Variants in ATP8A2 observed in about 807,000 individuals in gnomAD.
The protein encoded by ATP8A2 is phospholipid-transporting ATPase IB.
ATP8A2 carries 100 observed loss-of-function variants against 165.6 expected under a neutral mutation model. That is an observed-to-expected ratio of 0.60 (90% CI 0.51 to 0.71). The LOEUF (loss-of-function observed/expected upper bound fraction) is 0.71, where lower values mean the gene tolerates loss of function less well. ATP8A2 is among the 30% of genes least tolerant of loss of function. The probability of loss-of-function intolerance (pLI) is 0.00; values close to 1 mark genes in which losing one functional copy is unlikely to be tolerated. For synonymous variants in ATP8A2, 543 were observed against 548.8 expected, an observed-to-expected ratio of 0.99 and a Z score of 0.15; for missense variants, 1,227 against 1,479.5, an observed-to-expected ratio of 0.83 and a Z score of 2.80.
rs552606764 is a variant in ATP8A2, at chr13:25,701,800, G to A, written c.2384+2455G>A. Among the ~76,000 whole-genome samples, 3 of 151,144 alleles carry A rather than the reference G, an allele frequency of 2.0e-5. No individual in the cohort carries two copies. The South Asian group carries it at 6.3e-4, about 32-fold the overall frequency. On this transcript the variant is annotated intron_variant, in intron 25 of 36. Transcript: ENST00000381655. ...CCCTTCTTGCTGTGACTGCTTCACA[G>A]TGCTTTGTGTGTCTCATAGGCCATA... is the stretch of plus-strand genomic sequence containing the variant.
chr13:25,872,130 A>T (rs1331668551), intron 33 of ATP8A2, among the ~76,000 whole-genome samples: 1 of 142,584 alleles, frequency 7.0e-6, no homozygotes, highest in African/African-American at 2.6e-5. Flanking sequence ...TGGATCTGTG[A>T]CCCAAACTGG....
At chr13:25,427,962 G>A (rs1400334600) in intron 1 of ATP8A2, among the ~76,000 whole-genome samples, 1 of 152,030 alleles carries the variant, frequency 6.6e-6, no homozygotes. Context: ...CTTGAGGGGC[G>A]GAGGAGAGCA....
chr13:25,457,714 A>G (rs1313965413), intron 1 of ATP8A2, among the ~76,000 whole-genome samples: 1 of 152,256 alleles, frequency 6.6e-6, no homozygotes, highest in Non-Finnish European at 1.5e-5. Flanking sequence ...CCTTGGATTC[A>G]GATGATTGCA....
At chr13:25,465,882 C>A (rs564749973) in intron 1 of ATP8A2, among the ~76,000 whole-genome samples, 1 of 151,104 alleles carries the variant, frequency 6.6e-6, no homozygotes, top group East Asian at 2.0e-4. Context: ...AACTTGGCCT[C>A]CCAAAGTGTT....
At chr13:25,984,156 G>C (rs535040153) in intron 35 of ATP8A2, among the ~76,000 whole-genome samples, 117 of 152,162 alleles carry the variant, frequency 7.7e-4, no homozygotes, top group African/African-American at 2.8e-3. Context: ...GGGATCGTTT[G>C]AGCCCAGGAG....
At chr13:25,722,783 G>T (rs1369143620) in intron 25 of ATP8A2, among the ~76,000 whole-genome samples, 1 of 152,072 alleles carries the variant, frequency 6.6e-6, no homozygotes, top group African/African-American at 2.4e-5. Context: ...AGATCCCTGT[G>T]TACCTAAGAT....
chr13:25,442,284 A>G (rs915202491), intron 1 of ATP8A2, among the ~76,000 whole-genome samples: 1 of 152,218 alleles, frequency 6.6e-6, no homozygotes, highest in African/African-American at 2.4e-5. Context: ...GCTGGATCAG[A>G]AGATAACTCT....
chr13:25,482,306 C>A (rs973571698), intron 2 of ATP8A2, among the ~76,000 whole-genome samples: 1 of 152,132 alleles, frequency 6.6e-6, no homozygotes, highest in Non-Finnish European at 1.5e-5. Context: ...CATTCATAAT[C>A]CTACATTTGG....
chr13:25,382,856 C>T (rs1267623888), intron 1 of ATP8A2, among the ~76,000 whole-genome samples: 43 of 147,938 alleles, frequency 2.9e-4, no homozygotes, highest in African/African-American at 7.8e-4. Flanking sequence ...CCCGGGTTCA[C>T]GCCATTCTCC....
intron 24 of ATP8A2, among the ~76,000 whole-genome samples, chr13:25,669,171 G>C (rs1449038732): frequency 6.6e-6 from 1 of 151,950 alleles, no homozygotes; most frequent in Non-Finnish European, 1.5e-5. Flanking sequence ...CTGGAAATCA[G>C]ATTCTCTCCC....
At chr13:25,453,371 C>A (rs1444520578) in intron 1 of ATP8A2, among the ~76,000 whole-genome samples, 2 of 152,062 alleles carry the variant, frequency 1.3e-5, no homozygotes, top group Admixed American at 1.3e-4. Context: ...AGTGATCCAT[C>A]CGCCTCAGCC....
At chr13:25,989,635 T>C (rs1199543987) in intron 35 of ATP8A2, among the ~76,000 whole-genome samples, 2 of 152,198 alleles carry the variant, frequency 1.3e-5, no homozygotes, top group East Asian at 3.9e-4. Flanking sequence ...TGACATTTCC[T>C]TTTCTTTTTT....
chr13:25,853,401 ATATATATATG>A lies in ATP8A2; in HGVS notation c.2957-6784_2957-6775del, dbSNP rs1241557724. Among the ~76,000 whole-genome samples the A allele has an allele frequency of 1.3e-4, 8 of 59,860 alleles. 1 individual carries two copies. The highest frequency in any genetic ancestry group is 4.4e-4 in the South Asian group (1 of 2,286). The allele number at this position is 59,860 out of a possible 152,430, so 39.3% of individuals were successfully genotyped here. ...GCAAGACTCTATCTAAAAAAAATATATATATATATGTATATATATATAGAATTTCTTATAA... is the reference window on the plus strand; with the variant it reads ...GCAAGACTCTATCTAAAAAAAATATATATATATATATAGAATTTCTTATAA... On this transcript the variant is annotated intron_variant, in intron 30 of 36. Coordinates refer to ENST00000381655, the MANE Select transcript of ATP8A2 (RefSeq NM_016529.6).
chr13:25,631,239 T>C (rs2041233548), intron 24 of ATP8A2, among the ~76,000 whole-genome samples: 1 of 152,188 alleles, frequency 6.6e-6, no homozygotes, highest in Non-Finnish European at 1.5e-5. Context: ...GTGAGGCTCA[T>C]CTGTGCTCTG....
intron 15 of ATP8A2, among the ~76,000 whole-genome samples, chr13:25,561,369 AT>A (rs796093967): frequency 3.3e-5 from 5 of 151,300 alleles, no homozygotes; most frequent in African/African-American, 9.7e-5. Context: ...TTTTCCATAG[AT>A]TTTTTTTGTT....
chr13:25,421,767 A>T (rs2034306907), intron 1 of ATP8A2, among the ~76,000 whole-genome samples: 1 of 152,248 alleles, frequency 6.6e-6, no homozygotes, highest in Non-Finnish European at 1.5e-5. Context: ...TGATCTATAT[A>T]GCCTGCAGTG....
intron 33 of ATP8A2, among the ~76,000 whole-genome samples, chr13:25,885,453 G>A (rs576664751): frequency 6.6e-6 from 1 of 152,046 alleles, no homozygotes; most frequent in African/African-American, 2.4e-5. Flanking sequence ...CCTGACCCTG[G>A]CCCTCTCTCC....
chr13:25,951,289 G>A (rs1165834390), intron 33 of ATP8A2, among the ~76,000 whole-genome samples: 2 of 152,202 alleles, frequency 1.3e-5, no homozygotes, highest in Non-Finnish European at 2.9e-5. Flanking sequence ...TTCGTGCAAT[G>A]GAATACGATT....
intron 16 of ATP8A2, chr13:25,567,432 C>T (rs915172383): frequency 1.8e-5 from 8 of 456,228 alleles, no homozygotes; most frequent in Middle Eastern, 3.2e-4. Flanking sequence ...TTCCTTTCCT[C>T]CTCATCGTCT....
Sources: gnomAD v4.1 joint callset for allele counts (sites outside exome capture counted in the v4.1 genomes callset) on GRCh38, gnomAD v4.1.1 for gene constraint, MANE v1.5 for transcripts, NCBI Gene and HGNC (gene_info 2026-07-23, HGNC 2026-07-21) for gene names.